The following GRM5 variants were observed in gnomAD, a reference collection of about 807,000 sequenced individuals.
GRM5 encodes the protein glutamate metabotropic receptor 5.
In GRM5, 19 loss-of-function variants were observed where a neutral mutation model predicts 83.1. The observed-to-expected ratio is 0.23, with a 90% confidence interval of 0.16 to 0.34. The LOEUF is 0.34. Among genes scored for constraint, GRM5 ranks in the 10% least tolerant of loss-of-function variants. GRM5 has a pLI of 1.00. For missense variants in GRM5, 1,160 were observed against 1,588.3 expected (o/e 0.73, Z 4.58); for synonymous variants, 675 against 633.6 (o/e 1.07, Z -0.98).
chr11:88,950,461 G>T (rs1412314883), intron 2 of GRM5, among the ~76,000 whole-genome samples: 2 of 151,010 alleles, frequency 1.3e-5, no homozygotes, highest in African/African-American at 2.4e-5. Context: ...TTTAGTTTTT[G>T]TTTTCACTCA....
chr11:89,042,624 T>G (rs890627366), intron 2 of GRM5, among the ~76,000 whole-genome samples: 88 of 152,284 alleles, frequency 5.8e-4, no homozygotes, highest in African/African-American at 2.0e-3. Flanking sequence ...CTTTTAAAAA[T>G]TATTCAGTAG....
chr11:88,596,744 A>T (rs965497889), intron 6 of GRM5, among the ~76,000 whole-genome samples: 3 of 152,114 alleles, frequency 2.0e-5, no homozygotes, highest in African/African-American at 7.2e-5. Context: ...CACATTTTAC[A>T]TGATATTGCT....
chr11:88,608,665 C>A (rs1312752044), intron 4 of GRM5, among the ~76,000 whole-genome samples: 1 of 151,760 alleles, frequency 6.6e-6, no homozygotes, highest in African/African-American at 2.4e-5. Flanking sequence ...ACTACAGGAA[C>A]CTGCCACCAT....
chr11:88,673,258 G>A (rs1392547942), intron 3 of GRM5, among the ~76,000 whole-genome samples: 1 of 151,886 alleles, frequency 6.6e-6, no homozygotes, highest in Non-Finnish European at 1.5e-5. Flanking sequence ...AGGAACTGAA[G>A]TAAGAAATAC....
chr11:88,687,579 A>ATATTAT (rs1250226972), intron 3 of GRM5, among the ~76,000 whole-genome samples: 4 of 46,870 alleles, frequency 8.5e-5, no homozygotes, highest in Non-Finnish European at 1.3e-4. Flanking sequence ...ATATATATAT[A>ATATTAT]ATATATATAT....
At chr11:88,886,958 C>A (rs1193077970) in intron 2 of GRM5, among the ~76,000 whole-genome samples, 1 of 152,168 alleles carries the variant, frequency 6.6e-6, no homozygotes, top group Non-Finnish European at 1.5e-5. Flanking sequence ...TGCCCTTGGT[C>A]TGAAAAGCAC....
chr11:89,052,415 T>C (rs998339916), intron 1 of GRM5, among the ~76,000 whole-genome samples: 1 of 152,046 alleles, frequency 6.6e-6, no homozygotes, highest in Non-Finnish European at 1.5e-5. Context: ...AATGACGTCA[T>C]AGAGGGCAAA....
chr11:88,977,661 C>T (rs929676258), intron 2 of GRM5, among the ~76,000 whole-genome samples: 1 of 152,066 alleles, frequency 6.6e-6, no homozygotes, highest in African/African-American at 2.4e-5. Context: ...AATAAGTGAC[C>T]ACAGCAGGTA....
chr11:88,966,854 C>T (rs879685400), intron 2 of GRM5, among the ~76,000 whole-genome samples: 3 of 152,064 alleles, frequency 2.0e-5, no homozygotes, highest in Admixed American at 6.6e-5. Context: ...TCTGGTTTTC[C>T]TTTAATATCA....
intron 3 of GRM5, among the ~76,000 whole-genome samples, chr11:88,699,063 A>C (rs942148734): frequency 4.0e-5 from 6 of 151,502 alleles, no homozygotes; most frequent in Non-Finnish European, 5.9e-5. Flanking sequence ...AAAACGAACA[A>C]TTCTGCATTA....
chr11:88,649,850 A>T (rs7934792), intron 4 of GRM5, among the ~76,000 whole-genome samples: 110 of 151,982 alleles, frequency 7.2e-4, no homozygotes, highest in African/African-American at 2.6e-3. Flanking sequence ...AGATGGGAGC[A>T]TGGAAGTACA....
At chr11:88,616,072 G>GA (rs1354783220) in intron 4 of GRM5, among the ~76,000 whole-genome samples, 2 of 151,568 alleles carry the variant, frequency 1.3e-5, no homozygotes, top group African/African-American at 4.8e-5. Flanking sequence ...TTCTGTGCCT[G>GA]AAAAAAAATG....
At chr11:88,592,967 C>T (rs1937680101) in intron 6 of GRM5, among the ~76,000 whole-genome samples, 2 of 152,152 alleles carry the variant, frequency 1.3e-5, no homozygotes, top group Admixed American at 6.6e-5. Context: ...ATGTGTGCCA[C>T]CATGCCCAAT....
chr11:88,818,803 G>T (rs1943734446), intron 3 of GRM5, among the ~76,000 whole-genome samples: 1 of 152,012 alleles, frequency 6.6e-6, no homozygotes, highest in African/African-American at 2.4e-5. Context: ...AGTAAATGCA[G>T]ATTTCAATTT....
chr11:89,022,512 C>T (rs1197216093), intron 2 of GRM5, among the ~76,000 whole-genome samples: 9 of 148,192 alleles, frequency 6.1e-5, no homozygotes, highest in East Asian at 2.0e-4. Context: ...AATAGACAGA[C>T]GTTGTGGCAC....
At chr11:88,850,403 A>G (rs551507045) in intron 2 of GRM5, among the ~76,000 whole-genome samples, 1 of 152,302 alleles carries the variant, frequency 6.6e-6, no homozygotes, top group Admixed American at 6.5e-5. Flanking sequence ...TAAAAAGTGT[A>G]AGCAATTCAT....
intron 7 of GRM5, among the ~76,000 whole-genome samples, chr11:88,577,261 C>T (rs1206612658): frequency 1.3e-5 from 2 of 152,032 alleles, no homozygotes; most frequent in South Asian, 2.1e-4. Flanking sequence ...TTTTAAGTAT[C>T]GTTAAGTATT....
At chr11:88,886,961 A>G (rs1209336602) in intron 2 of GRM5, among the ~76,000 whole-genome samples, 1 of 152,302 alleles carries the variant, frequency 6.6e-6, no homozygotes, top group African/African-American at 2.4e-5. Context: ...CCTTGGTCTG[A>G]AAAGCACATG....
intron 1 of GRM5, among the ~76,000 whole-genome samples, chr11:89,051,772 T>C (rs1941767437): frequency 6.6e-6 from 1 of 152,184 alleles, no homozygotes; most frequent in Non-Finnish European, 1.5e-5. Flanking sequence ...TTTAAGCAAA[T>C]GACTGGAACA....
Sources: gnomAD v4.1 joint callset for allele counts (sites outside exome capture counted in the v4.1 genomes callset) on GRCh38, gnomAD v4.1.1 for gene constraint, MANE v1.5 for transcripts, NCBI Gene and HGNC (gene_info 2026-07-23, HGNC 2026-07-21) for gene names.